Variants in PTPRT observed in about 807,000 individuals in gnomAD.
PTPRT encodes protein tyrosine phosphatase receptor type T.
Under a neutral mutation model 176.8 loss-of-function variants are expected in PTPRT, and 56 were observed. The ratio of observed to expected loss-of-function variants is 0.32; its 90% CI spans 0.26 to 0.40. PTPRT has a LOEUF of 0.40. Among genes scored for constraint, PTPRT ranks in the 10% least tolerant of loss-of-function variants. The probability of loss-of-function intolerance (pLI) is 1.00; values close to 1 mark genes in which losing one functional copy is unlikely to be tolerated. For synonymous variants in PTPRT, 783 were observed against 739.0 expected (o/e 1.06, Z -0.96); for missense variants, 1,540 against 1,908.2 (o/e 0.81, Z 3.60).
At chr20:42,396,438 A>T (rs888779570) in intron 9 of PTPRT, among the ~76,000 whole-genome samples, 2 of 152,142 alleles carry the variant, frequency 1.3e-5, no homozygotes, top group Non-Finnish European at 2.9e-5. Context: ...TTGTCAGCAG[A>T]GCAGACAACA....
intron 7 of PTPRT, among the ~76,000 whole-genome samples, chr20:42,623,514 A>T (rs763091596): frequency 1.1e-4 from 16 of 152,208 alleles, no homozygotes; most frequent in Non-Finnish European, 2.1e-4. Context: ...GAATAGTTAC[A>T]CTTTCTCAAG....
intron 1 of PTPRT, among the ~76,000 whole-genome samples, chr20:43,007,260 C>A (rs528303020): frequency 3.9e-5 from 6 of 152,208 alleles, no homozygotes; most frequent in Non-Finnish European, 8.8e-5. Context: ...AACAGCTGAA[C>A]CTCAGGAACA....
chr20:42,809,348 C>A (rs764114241), intron 2 of PTPRT, among the ~76,000 whole-genome samples: 1 of 152,086 alleles, frequency 6.6e-6, no homozygotes. Flanking sequence ...GTGACTCCTG[C>A]CAGGTGTGGC....
At chr20:42,306,847 A>C (rs961503532) in intron 12 of PTPRT, among the ~76,000 whole-genome samples, 4 of 152,180 alleles carry the variant, frequency 2.6e-5, no homozygotes, top group Admixed American at 2.0e-4. Context: ...TTCAGTGTGA[A>C]GTAACTGAGA....
At chr20:42,666,552 A>G (rs1348184483) in intron 7 of PTPRT, among the ~76,000 whole-genome samples, 3 of 152,184 alleles carry the variant, frequency 2.0e-5, no homozygotes, top group African/African-American at 4.8e-5. Context: ...TTAAGTTTCA[A>G]AATGAATCCC....
intron 15 of PTPRT, among the ~76,000 whole-genome samples, chr20:42,208,375 A>G (rs1265915734): frequency 6.6e-6 from 1 of 151,928 alleles, no homozygotes; most frequent in Non-Finnish European, 1.5e-5. Context: ...AAGACTCATC[A>G]GTGTGCTGTA....
chr20:42,310,148 G>A (rs2057605066), intron 12 of PTPRT, among the ~76,000 whole-genome samples: 1 of 152,122 alleles, frequency 6.6e-6, no homozygotes, highest in Non-Finnish European at 1.5e-5. Flanking sequence ...AATGTCTTAG[G>A]AAAGGTTCAA....
intron 2 of PTPRT, among the ~76,000 whole-genome samples, chr20:42,860,469 T>C (rs1282087296): frequency 2.0e-5 from 3 of 152,236 alleles, no homozygotes; most frequent in Non-Finnish European, 4.4e-5. Flanking sequence ...GCAATATGCA[T>C]TCAATATTTT....
rs1433557700 is a variant in PTPRT, at chr20:42,075,289, A to G, written c.*5590T>C. The G allele has an allele frequency of 4.3e-6, 1 of 234,160 alleles. No homozygotes were observed. Among genetic ancestry groups the G allele is most frequent in the East Asian group, 6.1e-5 (1 of 16,520 alleles). 14.5% of individuals were successfully genotyped at this position (234,160 alleles called of 1,614,324 possible). A position where few individuals can be genotyped will look rare whatever the true frequency, so the allele number is the denominator to read the frequency against. ...TGTTAAGTAATGGGGAAGCCAAGTC[A>G]GGGATTTGAGATGACATGACTATCC... On this transcript the variant is annotated 3_prime_UTR_variant, in exon 31 of 31. Coordinates refer to ENST00000373187, the MANE Select transcript of PTPRT (RefSeq NM_007050.6).
intron 2 of PTPRT, among the ~76,000 whole-genome samples, chr20:42,797,583 G>C (rs1480303007): frequency 7.1e-6 from 1 of 141,526 alleles, no homozygotes; most frequent in Non-Finnish European, 1.5e-5. Context: ...GTGGTAGACA[G>C]AATAAGGGCC....
chr20:42,891,317 C>G (rs753829217), intron 1 of PTPRT, among the ~76,000 whole-genome samples: 6 of 152,154 alleles, frequency 3.9e-5, no homozygotes, highest in Non-Finnish European at 8.8e-5. Context: ...TGGGGGAGGA[C>G]AGGGAAGTGC....
Position 42,115,267 on chromosome 20 carries a change from T to C in PTPRT, c.3031A>G (p.Ile1011Val). ...WPDDTEVYGD[I>V]KVTLIETEPL... ...TCTGTTTCAATCAGGGTGACTTTAA[T>C]GTCTCCGTAGACCTCCGTGTCATCT... Residue 1011 changes from isoleucine to valine, a missense_variant, in exon 22 of 31, where the codon ATT (isoleucine) becomes GTT (valine). By Grantham distance (29) the Ile-to-Val change is conservative (BLOSUM62 3). Coordinates refer to ENST00000373187, the MANE Select transcript of PTPRT (RefSeq NM_007050.6). 3 of 1,614,206 alleles carry C rather than the reference T, an allele frequency of 1.9e-6. No individual in the cohort carries two copies. The highest frequency in any genetic ancestry group is 1.3e-5 in the African/African-American group (1 of 75,070).
chr20:42,428,515 A>G (rs1323881116), intron 9 of PTPRT, among the ~76,000 whole-genome samples: 1 of 152,156 alleles, frequency 6.6e-6, no homozygotes, highest in Admixed American at 6.5e-5. Flanking sequence ...ATATTAGCCC[A>G]ACTTGCCTTT....
chr20:42,534,056 G>A (rs190972314), intron 7 of PTPRT, among the ~76,000 whole-genome samples: 1 of 152,304 alleles, frequency 6.6e-6, no homozygotes, highest in East Asian at 1.9e-4. Flanking sequence ...GGCCAGGGAG[G>A]CAGGTCGGGA....
At chr20:42,960,014 C>A (rs1055317195) in intron 1 of PTPRT, among the ~76,000 whole-genome samples, 1 of 152,174 alleles carries the variant, frequency 6.6e-6, no homozygotes, top group East Asian at 1.9e-4. Flanking sequence ...CCTTTTCAGA[C>A]ACCTTGTCCC....
At chr20:42,265,872 G>A (rs891849320) in intron 13 of PTPRT, among the ~76,000 whole-genome samples, 2 of 152,164 alleles carry the variant, frequency 1.3e-5, no homozygotes, top group Non-Finnish European at 2.9e-5. Context: ...GAGTAAAGCT[G>A]CCCCTGGGAA....
chr20:42,346,848 G>A (rs1330300955), intron 11 of PTPRT, among the ~76,000 whole-genome samples: 1 of 152,186 alleles, frequency 6.6e-6, no homozygotes, highest in Admixed American at 6.5e-5. Context: ...ACTCAAAGAG[G>A]GACCCACTGA....
intron 9 of PTPRT, among the ~76,000 whole-genome samples, chr20:42,364,624 G>T (rs1042469247): frequency 1.3e-5 from 2 of 151,978 alleles, no homozygotes; most frequent in Non-Finnish European, 2.9e-5. Context: ...TGCCTCTGTG[G>T]TATTTCCCCA....
intron 6 of PTPRT, among the ~76,000 whole-genome samples, chr20:42,729,288 G>T (rs771453149): frequency 5.3e-5 from 8 of 152,132 alleles, no homozygotes; most frequent in Non-Finnish European, 8.8e-5. Flanking sequence ...TCTAGCGGAT[G>T]CTATTAAAAC....
Sources: allele counts gnomAD v4.1 joint callset (sites outside exome capture counted in the v4.1 genomes callset), GRCh38; gene constraint gnomAD v4.1.1; transcripts MANE v1.5; gene names NCBI Gene and HGNC (gene_info 2026-07-23, HGNC 2026-07-21).